Variants in BATF3 observed in about 807,000 individuals in gnomAD.
BATF3 encodes basic leucine zipper ATF-like transcription factor 3, also known as basic leucine zipper transcriptional factor ATF-like 3.
Under a neutral mutation model 16.1 loss-of-function variants are expected in BATF3, and 8 were observed. The ratio of observed to expected loss-of-function variants is 0.50; its 90% CI spans 0.29 to 0.90. The LOEUF (loss-of-function observed/expected upper bound fraction) is 0.90. Among genes scored for constraint, BATF3 ranks in the 40% least tolerant of loss-of-function variants. BATF3 has a pLI of 0.08. For missense variants in BATF3, 139 were observed against 167.0 expected (o/e 0.83, Z 0.92); for synonymous variants, 74 against 72.7 (o/e 1.02, Z -0.09).
chr1:212,695,807 G>A (rs547183446), intron 2 of BATF3, among the ~76,000 whole-genome samples: 1 of 152,308 alleles, frequency 6.6e-6, no homozygotes, highest in East Asian at 1.9e-4. Flanking sequence ...CGTCCCAACT[G>A]CAGGATTATG....
intron 1 of BATF3, chr1:212,697,401 C>T (rs1200455372): frequency 5.8e-6 from 1 of 172,472 alleles, no homozygotes; most frequent in Non-Finnish European, 1.2e-5. Flanking sequence ...TCATAAACCT[C>T]TAGCCCACAG....
chr1:212,692,207 C>T (rs1283121812), intron 2 of BATF3, among the ~76,000 whole-genome samples: 1 of 152,120 alleles, frequency 6.6e-6, no homozygotes, highest in Non-Finnish European at 1.5e-5. Context: ...CCGAAAAACT[C>T]CTAAGAGCTG....
rs571859432 is a variant in BATF3, at chr1:212,689,812, C to A, written c.196-2833G>T. Among the ~76,000 whole-genome samples, 1 of 150,042 alleles carries A rather than the reference C, an allele frequency of 6.7e-6. No individual in the cohort carries two copies. The highest frequency in any genetic ancestry group is 2.1e-4 in the South Asian group (1 of 4,800). On this transcript the variant is annotated intron_variant, in intron 2 of 2. Coordinates refer to ENST00000243440, the MANE Select transcript of BATF3 (RefSeq NM_018664.3). The surrounding 1 kb of genome is among the most constrained non-coding windows in gnomAD (Gnocchi z 4.6). ...TCACACACTCTCATACACAGCCCGACACACACACTCTCACACACACACACT... is the reference window on the plus strand; with the variant it reads ...TCACACACTCTCATACACAGCCCGAAACACACACTCTCACACACACACACT...
intron 2 of BATF3, among the ~76,000 whole-genome samples, chr1:212,691,636 G>GA (rs1313174105): frequency 6.6e-6 from 1 of 152,234 alleles, no homozygotes; most frequent in African/African-American, 2.4e-5. Flanking sequence ...TGCAATATCT[G>GA]AAAAAACCAT....
In BATF3 at chr1:212,686,822, G is replaced by A. The variant is rs781066662; in HGVS notation, c.353C>T (p.Pro118Leu). ...GGGCAAGCAGCCGGCCACAGGGTCC[G>A]GCCGGGGAGGCACTGGCACAAAGTT... ...PMNFVPVPPR[P>L]DPVAGCLPR The change falls in exon 3 of 3, where the codon CCG becomes CTG. Residue 118 changes from proline to leucine, a missense_variant. Physicochemically the swap from Pro to Leu is moderately conservative, Grantham distance 98. Coordinates refer to ENST00000243440, the MANE Select transcript of BATF3 (RefSeq NM_018664.3). 5.6e-6 allele frequency: 9 copies of A among 1,613,382 alleles called. No individual in the cohort carries two copies. The highest frequency in any genetic ancestry group is 1.7e-5 in the Admixed American group (1 of 60,006).
rs1452343871 is a variant in BATF3, at chr1:212,697,020, G to A, written c.136C>T (p.Arg46Ter). ...DRKVRRREKN[R>*]VAAQRSRKKQ... ...TTCCGACTTCTCTGAGCAGCAACTC[G>A]GTTTTTTTCTCTCCTTCGGACCTTC... The change falls in exon 2 of 3, where the codon CGA (arginine) becomes TGA (stop). Residue 46 changes from arginine to a stop codon, truncating the protein, a stop_gained. Transcript: ENST00000243440. LOFTEE classifies it high-confidence loss of function. 5 of 1,614,098 alleles carry A rather than the reference G, an allele frequency of 3.1e-6. No homozygotes were observed. The highest frequency in any genetic ancestry group is 2.2e-5 in the South Asian group (2 of 91,072).
At chr1:212,687,260 C>T (rs1049895720) in intron 2 of BATF3, among the ~76,000 whole-genome samples, 2 of 152,134 alleles carry the variant, frequency 1.3e-5, no homozygotes, top group Non-Finnish European at 2.9e-5. Flanking sequence ...GATCAATACA[C>T]GGAACATTTC....
chr1:212,689,849 A>G lies in BATF3; in HGVS notation c.196-2870T>C, dbSNP rs1204545594. ...CACACACACACACTCATACACAACC[A>G]CAGACACACACACAGATACACACAG... On this transcript the variant is annotated intron_variant, in intron 2 of 2. Transcript: ENST00000243440. This position sits in a 1 kb window ranked among gnomAD's most constrained non-coding sequence, Gnocchi z 4.6. Among the ~76,000 whole-genome samples, 1 of 146,412 alleles carries G rather than the reference A, an allele frequency of 6.8e-6. No homozygotes were observed. Among genetic ancestry groups the G allele is most frequent in the Non-Finnish European group, 1.5e-5 (1 of 65,524 alleles).
Position 212,697,057 on chromosome 1 carries a change from C to T in BATF3, c.99G>A (p.Glu33=). The change falls in exon 2 of 3, where the codon GAG becomes GAA. Residue 33 remains glutamate (E), a synonymous_variant. Transcript: ENST00000243440. ...TCCTTCGGACCTTCCTGTCATCATC[C>T]TCAGGGCTCTGGGGAAAAACACTGG... is the stretch of plus-strand genomic sequence containing the variant. The part of the protein sequence containing the change: ...PQPQPQQQSP[E]DDDRKVRRRE... 6.2e-7 allele frequency: 1 copy of T among 1,614,038 alleles called. No individual in the cohort carries two copies. The highest frequency in any genetic ancestry group is 8.5e-7 in the Non-Finnish European group (1 of 1,179,924).
At position 212,699,526 on chromosome 1, in the gene BATF3, GC is replaced by G. The variant is rs1219322145; in HGVS notation, c.90+146del. ...CGCCCCCATTCCCCAACATCCCTAC[GC>G]CCCTACCTCTGCTTGTCTCCGGCCG... On this transcript the variant is annotated intron_variant, in intron 1 of 2. Transcript: ENST00000243440. The surrounding 1 kb of genome is among the most constrained non-coding windows in gnomAD (Gnocchi z 4.4). 1 of 506,068 alleles carries G rather than the reference GC, an allele frequency of 2.0e-6. No homozygotes were observed. Among genetic ancestry groups the G allele is most frequent in the Non-Finnish European group, 3.0e-6 (1 of 331,006 alleles). 31.3% of individuals were successfully genotyped at this position (506,068 alleles called of 1,614,324 possible).
intron 1 of BATF3, 119 bp from the exon 2 acceptor site, chr1:212,697,184 C>T: frequency 4.1e-6 from 3 of 738,392 alleles, no homozygotes; most frequent in Non-Finnish European, 6.9e-6. Context: ...GTAGACAGCA[C>T]CACTAGTTGC....
intron 2 of BATF3, among the ~76,000 whole-genome samples, chr1:212,694,492 T>C (rs1160065517): frequency 1.3e-5 from 2 of 152,226 alleles, no homozygotes; most frequent in African/African-American, 4.8e-5. Context: ...TGAAAGATCT[T>C]GTCCAAGATA....
Position 212,699,200 on chromosome 1 carries a change from T to C in BATF3, c.90+473A>G, listed in dbSNP as rs1315690352. ...CCAGCTGGGGGCGGAGTCGGCCCTT[T>C]GTGGGTTCCCTCCGCCCAGGCTGAC... On this transcript the variant is annotated intron_variant, in intron 1 of 2. Transcript: ENST00000243440. This position sits in a 1 kb window ranked among gnomAD's most constrained non-coding sequence, Gnocchi z 4.4. Among the ~76,000 whole-genome samples the C allele has an allele frequency of 6.6e-6, 1 of 152,192 alleles. No individual in the cohort carries two copies. Among genetic ancestry groups the C allele is most frequent in the Non-Finnish European group, 1.5e-5 (1 of 68,028 alleles).
intron 2 of BATF3, among the ~76,000 whole-genome samples, chr1:212,693,004 A>T (rs1013958506): frequency 1.1e-4 from 16 of 152,298 alleles, no homozygotes; most frequent in African/African-American, 3.8e-4. Flanking sequence ...GTTCCTATGC[A>T]TGGTGTCCCC....
intron 2 of BATF3, among the ~76,000 whole-genome samples, chr1:212,692,140 C>T (rs972677555): frequency 6.6e-6 from 1 of 152,208 alleles, no homozygotes; most frequent in Non-Finnish European, 1.5e-5. Flanking sequence ...AGAGGGCTCG[C>T]CTTGACGGAC....
At position 212,699,414 on chromosome 1, in the gene BATF3, G is replaced by A. The variant is rs1330172850; in HGVS notation, c.90+259C>T. 6.6e-6 allele frequency among the ~76,000 whole-genome samples: 1 copy of A among 152,096 alleles called. No individual in the cohort carries two copies. Among genetic ancestry groups the A allele is most frequent in the South Asian group, 2.1e-4 (1 of 4,826 alleles). ...GGCCCAGCCAGGCGTCGGCGCCCTC[G>A]GGCTTCTTCCCCCAGAGGGCGCAGG... On this transcript the variant is annotated intron_variant, in intron 1 of 2. Coordinates refer to ENST00000243440, the MANE Select transcript of BATF3 (RefSeq NM_018664.3). This position sits in a 1 kb window ranked among gnomAD's most constrained non-coding sequence, Gnocchi z 4.4.
chr1:212,695,900 T>C lies in BATF3; in HGVS notation c.195+1061A>G, dbSNP rs551119282. 1.2e-4 allele frequency among the ~76,000 whole-genome samples: 18 copies of C among 152,262 alleles called. No homozygotes were observed. In the South Asian group the frequency reaches 3.1e-3, roughly 26 times the overall value. On this transcript the variant is annotated intron_variant, in intron 2 of 2. Transcript: ENST00000243440. ...CTGATTTGAGTGATGAGAAAGATGG[T>C]TCGCTCCATTAACTGCAGTTTGAAG...
chr1:212,698,888 G>A (rs1008025025), intron 1 of BATF3: 2 of 152,300 alleles, frequency 1.3e-5, no homozygotes, highest in African/African-American at 4.8e-5. Context: ...CGGTCCGAGA[G>A]GTTAAACAAA....
chr1:212,688,514 A>C (rs1218718396), intron 2 of BATF3, among the ~76,000 whole-genome samples: 1 of 152,216 alleles, frequency 6.6e-6, no homozygotes, highest in Non-Finnish European at 1.5e-5. Flanking sequence ...GTAGGATTTT[A>C]CATCCATCTC....
Sources: allele counts gnomAD v4.1 joint callset (sites outside exome capture counted in the v4.1 genomes callset), GRCh38; gene constraint gnomAD v4.1.1; non-coding constraint Gnocchi (gnomAD v3.1); transcripts MANE v1.5; gene names NCBI Gene and HGNC (gene_info 2026-07-23, HGNC 2026-07-21).